Variants in GSE1 observed in about 807,000 individuals in gnomAD.
The protein encoded by GSE1 is Gse1 coiled-coil protein, also known as genetic suppressor element 1.
GSE1 carries 32 observed loss-of-function variants against 112.6 expected under a neutral mutation model. The observed-to-expected ratio is 0.28, with a 90% CI of 0.21 to 0.38. The LOEUF (loss-of-function observed/expected upper bound fraction) is 0.38. GSE1 is among the 10% of genes least tolerant of loss of function. The pLI, the probability that GSE1 is intolerant of heterozygous loss-of-function variation, is 1.00. For synonymous variants in GSE1, 1,115 were observed against 735.6 expected, an observed-to-expected ratio of 1.52 and a Z score of -8.35; for missense variants, 2,348 against 1,699.2, an observed-to-expected ratio of 1.38 and a Z score of -6.71.
At chr16:85,187,415 A>T (rs1244942819) in intron 1 of GSE1, among the ~76,000 whole-genome samples, 3 of 152,242 alleles carry the variant, frequency 2.0e-5, no homozygotes, top group African/African-American at 7.2e-5. Flanking sequence ...CTGGACTGAG[A>T]GCCCTGCTCT....
chr16:85,372,105 C>T (rs535706564), intron 2 of GSE1, among the ~76,000 whole-genome samples: 1 of 152,208 alleles, frequency 6.6e-6, no homozygotes, highest in African/African-American at 2.4e-5. Flanking sequence ...CCTCCCCTTC[C>T]TCCATCATGG....
intron 3 of GSE1, among the ~76,000 whole-genome samples, chr16:85,650,100 T>C (rs1279023268): frequency 6.6e-6 from 1 of 152,132 alleles, no homozygotes; most frequent in African/African-American, 2.4e-5. Context: ...AAGCCTCTCG[T>C]AGTTTGACTA....
intron 4 of GSE1, 124 bp from the exon 5 acceptor site, chr16:85,654,670 G>A (rs950623475): frequency 5.0e-5 from 37 of 745,534 alleles, no homozygotes; most frequent in South Asian, 6.6e-5. Flanking sequence ...GTCCTCGTTC[G>A]GGGTGCCAGG....
intron 2 of GSE1, among the ~76,000 whole-genome samples, chr16:85,488,904 C>T (rs1220673214): frequency 1.3e-5 from 2 of 152,080 alleles, no homozygotes; most frequent in East Asian, 3.9e-4. Context: ...TAACAGCCCC[C>T]CGGGGGTCAG....
intron 2 of GSE1, among the ~76,000 whole-genome samples, chr16:85,456,131 C>G (rs1210603902): frequency 2.6e-5 from 4 of 152,188 alleles, no homozygotes; most frequent in Admixed American, 2.0e-4. Flanking sequence ...TGAGTTCACC[C>G]AGTCCTGGTT....
At chr16:85,413,222 C>G (rs972328461) in intron 2 of GSE1, among the ~76,000 whole-genome samples, 1 of 152,176 alleles carries the variant, frequency 6.6e-6, no homozygotes. Context: ...GTTGAGGCAG[C>G]GGGGCTGAGG....
chr16:85,262,683 G>A (rs1199438916), intron 1 of GSE1, among the ~76,000 whole-genome samples: 1 of 152,208 alleles, frequency 6.6e-6, no homozygotes, highest in Admixed American at 6.5e-5. Context: ...AGACCAGAGT[G>A]GGAGTCCGAG....
At chr16:85,288,733 C>T (rs2045116678) in intron 1 of GSE1, among the ~76,000 whole-genome samples, 1 of 152,114 alleles carries the variant, frequency 6.6e-6, no homozygotes, top group Non-Finnish European at 1.5e-5. Context: ...GGAGAGGCGG[C>T]ATTTGTGCTG....
intron 2 of GSE1, among the ~76,000 whole-genome samples, chr16:85,635,508 C>T (rs185742677): frequency 2.7e-5 from 2 of 75,362 alleles, no homozygotes; most frequent in African/African-American, 1.0e-4. Flanking sequence ...ATCCTGGACT[C>T]TCTGGGGCGG....
chr16:85,461,725 C>T (rs1170438232), intron 2 of GSE1, among the ~76,000 whole-genome samples: 1 of 152,162 alleles, frequency 6.6e-6, no homozygotes, highest in Non-Finnish European at 1.5e-5. Context: ...AATCCCCGTG[C>T]TGCGTGAAGC....
At chr16:85,615,166 G>A (rs1377048857) in intron 1 of GSE1, among the ~76,000 whole-genome samples, 1 of 152,208 alleles carries the variant, frequency 6.6e-6, no homozygotes, top group African/African-American at 2.4e-5. Context: ...CAGCAGGGAC[G>A]GCAGAACCTG....
intron 1 of GSE1, chr16:85,185,381 T>C (rs1015300420): frequency 6.6e-6 from 1 of 152,338 alleles, no homozygotes; most frequent in Non-Finnish European, 1.5e-5. Context: ...TCCCAGTGAC[T>C]TTCTGGTTTC....
rs567556565 is a variant in GSE1, at chr16:85,639,975, T to C, written c.226+5843T>C. ...CAGGCACCCCCTCCCTGGGAAACAG[T>C]TGGGGGCGATCGTGCTGCGGGCCTT... On this transcript the variant is annotated intron_variant, in intron 2 of 15. Transcript: ENST00000253458. Among the ~76,000 whole-genome samples, 235 of 152,088 alleles carry C rather than the reference T, an allele frequency of 1.5e-3. 1 individual carries two copies. Among genetic ancestry groups the C allele is most frequent in the African/African-American group, 5.5e-3 (229 of 41,492 alleles).
chr16:85,569,900 C>G (rs1234534383), intron 1 of GSE1, among the ~76,000 whole-genome samples: 2 of 152,190 alleles, frequency 1.3e-5, no homozygotes, highest in Non-Finnish European at 2.9e-5. Context: ...CCGCCCACCT[C>G]TGTGTGGAGA....
chr16:85,595,958 TC>T (rs1260017551), intron 1 of GSE1, among the ~76,000 whole-genome samples: 1 of 19,614 alleles, frequency 5.1e-5, no homozygotes, highest in Non-Finnish European at 9.9e-5. Context: ...TCCTCCGCCC[TC>T]CCACCCATTC....
At chr16:85,355,526 G>A (rs530440218) in intron 1 of GSE1, among the ~76,000 whole-genome samples, 1 of 152,344 alleles carries the variant, frequency 6.6e-6, no homozygotes, top group Admixed American at 6.5e-5. Context: ...AAGACAGAGA[G>A]CAGACGCCGA....
intron 1 of GSE1, among the ~76,000 whole-genome samples, chr16:85,314,720 A>G (rs897004874): frequency 6.6e-6 from 1 of 152,140 alleles, no homozygotes. Flanking sequence ...TCTCCCCCGC[A>G]GCAGGCCCTA....
At chr16:85,524,963 C>A (rs997988728) in intron 2 of GSE1, among the ~76,000 whole-genome samples, 1 of 152,168 alleles carries the variant, frequency 6.6e-6, no homozygotes, top group Non-Finnish European at 1.5e-5. Flanking sequence ...GAGTGAGTCC[C>A]CGCCATGCCC....
chr16:85,558,625 C>T (rs1236108000), intron 1 of GSE1, among the ~76,000 whole-genome samples: 1 of 151,934 alleles, frequency 6.6e-6, no homozygotes, highest in African/African-American at 2.4e-5. Flanking sequence ...TAAGAGAGGT[C>T]AGAAGTGAGG....
Sources: gnomAD v4.1 joint callset for allele counts (sites outside exome capture counted in the v4.1 genomes callset) on GRCh38, gnomAD v4.1.1 for gene constraint, MANE v1.5 for transcripts, NCBI Gene and HGNC (gene_info 2026-07-23, HGNC 2026-07-21) for gene names.